The following EIF4E3 variants were observed in gnomAD, a reference collection of about 807,000 sequenced individuals.
EIF4E3 encodes the protein eukaryotic translation initiation factor 4E family member 3.
A neutral mutation model predicts 31.7 loss-of-function variants in EIF4E3; 26 were observed. The observed-to-expected ratio is 0.82, with a 90% CI of 0.60 to 1.14. EIF4E3 has a LOEUF of 1.14. Ranked by LOEUF, EIF4E3 falls within the 50% of genes most tolerant of loss-of-function variation. The pLI is 0.00. For synonymous variants in EIF4E3, 128 were observed against 107.7 expected (o/e 1.19, Z -1.17); for missense variants, 304 against 270.9 (o/e 1.12, Z -0.86).
intron 1 of EIF4E3, among the ~76,000 whole-genome samples, chr3:71,732,307 C>T (rs1210233821): frequency 6.6e-6 from 1 of 152,190 alleles, no homozygotes; most frequent in African/African-American, 2.4e-5. Context: ...ACCAAACACA[C>T]CCCAGATAGG....
At chr3:71,709,564 T>C (rs955276483) in intron 2 of EIF4E3, among the ~76,000 whole-genome samples, 21 of 152,072 alleles carry the variant, frequency 1.4e-4, no homozygotes, top group African/African-American at 4.1e-4. Flanking sequence ...GGAAACTGTT[T>C]GTAGAGATGG....
At chr3:71,724,925 G>T (rs2049607865) in intron 1 of EIF4E3, among the ~76,000 whole-genome samples, 1 of 152,174 alleles carries the variant, frequency 6.6e-6, no homozygotes, top group Non-Finnish European at 1.5e-5. Context: ...AAGGGAACAA[G>T]GGGTAGAAAG....
chr3:71,711,957 C>T (rs1304672515), intron 1 of EIF4E3, among the ~76,000 whole-genome samples: 1 of 152,068 alleles, frequency 6.6e-6, no homozygotes. Flanking sequence ...TACTCCAGCC[C>T]GGGTGACAGA....
chr3:71,690,108 A>T lies in EIF4E3; in HGVS notation c.530T>A (p.Val177Asp). The part of the protein sequence containing the change: ...SVRDREDVVQ[V>D]WNVNASLVGE... ...CACTAAAGAGGCATTTACATTCCAG[A>T]CTTGGACGACGTCTTCTCGGTCCCG... The change falls in exon 6 of 7, where the codon GTC (valine) becomes GAC (aspartate). Residue 177 changes from valine to aspartate, a missense_variant. Physicochemically the swap from Val to Asp is radical, Grantham distance 152. Coordinates refer to ENST00000425534, the MANE Select transcript of EIF4E3 (RefSeq NM_001134651.2). 1 of 1,613,906 alleles carries T rather than the reference A, an allele frequency of 6.2e-7. No individual in the cohort carries two copies. The highest frequency in any genetic ancestry group is 8.5e-7 in the Non-Finnish European group (1 of 1,179,946).
chr3:71,709,068 A>C (rs781310860), intron 2 of EIF4E3, among the ~76,000 whole-genome samples: 2 of 152,136 alleles, frequency 1.3e-5, no homozygotes, highest in African/African-American at 2.4e-5. Flanking sequence ...TTTTTGAACC[A>C]GATACTGGGA....
chr3:71,696,626 A>C, intron 3 of EIF4E3, 106 bp from the exon 4 acceptor site: 1 of 1,306,974 alleles, frequency 7.7e-7, no homozygotes, highest in Non-Finnish European at 1.1e-6. Flanking sequence ...AGATGACCTT[A>C]AAAACAAAAT....
chr3:71,702,384 A>G (rs2049230144), intron 2 of EIF4E3, among the ~76,000 whole-genome samples: 1 of 152,186 alleles, frequency 6.6e-6, no homozygotes, highest in Non-Finnish European at 1.5e-5. Context: ...AGGCATCACA[A>G]ACCAAAGTTC....
chr3:71,670,580 T>G (rs534145640), downstream of EIF4E3, among the ~76,000 whole-genome samples: 2 of 152,332 alleles, frequency 1.3e-5, no homozygotes, highest in Admixed American at 1.3e-4. Context: ...GGTATTGTTT[T>G]TGTTAAAATA....
intron 6 of EIF4E3, among the ~76,000 whole-genome samples, chr3:71,685,406 C>T (rs2048978269): frequency 1.3e-5 from 2 of 152,224 alleles, no homozygotes; most frequent in Admixed American, 1.3e-4. Context: ...GTAGCCCAGG[C>T]TGGAGTGCAG....
intron 6 of EIF4E3, 79 bp downstream of exon 6, chr3:71,689,931 C>T: frequency 7.6e-7 from 1 of 1,312,860 alleles, no homozygotes; most frequent in Non-Finnish European, 9.9e-7. Context: ...CTGCCTTCAC[C>T]ACATTTGCAA....
At chr3:71,729,797 AATGTGTGTGTGTGTGTGTGT>A (rs2049683319), upstream of EIF4E3, among the ~76,000 whole-genome samples, 2 of 52,228 alleles carry the variant, frequency 3.8e-5, no homozygotes, top group South Asian at 2.2e-3. Flanking sequence ...ATTCCAATAG[AATGTGTGTGTGTGTGTGTGT>A]GTGTGTGTGT....
downstream of EIF4E3, among the ~76,000 whole-genome samples, chr3:71,673,748 C>T (rs2048857973): frequency 6.6e-6 from 1 of 151,876 alleles, no homozygotes. Context: ...GGAATGATGT[C>T]ATGTCTTGTT....
In EIF4E3 at chr3:71,710,452, G is replaced by A. The variant is rs751819819; in HGVS notation, c.209C>T (p.Ala70Val). 1.3e-6 allele frequency: 2 copies of A among 1,550,898 alleles called. No individual in the cohort carries two copies. Among genetic ancestry groups the A allele is most frequent in the South Asian group, 2.4e-5 (2 of 83,946 alleles). The change falls in exon 2 of 7, where the codon GCA (alanine) becomes GTA (valine). Residue 70 changes from alanine (A) to valine (V), a missense_variant. Physicochemically the swap from Ala to Val is moderately conservative, Grantham distance 64. Transcript: ENST00000425534. ...TGTGTAGATTTTCTTCAGATTTGAT[G>A]CGCACTCAGCTGCTGTGGCACCAGG... The part of the protein sequence containing the change: ...SLPGATAAEC[A>V]SNLKKIYTVQ...
chr3:71,693,839 C>G, intron 5 of EIF4E3, 36 bp downstream of exon 5: 1 of 1,488,218 alleles, frequency 6.7e-7, no homozygotes. Flanking sequence ...CAGGAGCACA[C>G]GAGGCAGGGC....
intron 1 of EIF4E3, among the ~76,000 whole-genome samples, chr3:71,719,339 C>T (rs938731537): frequency 1.3e-5 from 2 of 152,094 alleles, no homozygotes; most frequent in Non-Finnish European, 2.9e-5. Flanking sequence ...GCATTTGTTA[C>T]AAATCTACCT....
In EIF4E3 at chr3:71,683,688, G is replaced by C. The variant is rs1469365970; in HGVS notation, c.*994C>G. 2 of 152,208 alleles carry C rather than the reference G, an allele frequency of 1.3e-5. No homozygotes were observed. The highest frequency in any genetic ancestry group is 3.8e-4 in the East Asian group (2 of 5,202). 9.4% of individuals were successfully genotyped at this position (152,208 alleles called of 1,614,324 possible). A position where few individuals can be genotyped will look rare whatever the true frequency, so the allele number is the denominator to read the frequency against. On this transcript the variant is annotated 3_prime_UTR_variant, in exon 7 of 7. Coordinates refer to ENST00000425534, the MANE Select transcript of EIF4E3 (RefSeq NM_001134651.2). ...GAAAAAGGGTGGGGACAGCTGCCCA[G>C]GCTGGAGGACTACTGATGATGAGAA...
At chr3:71,727,942 C>T (rs1437057875), upstream of EIF4E3, among the ~76,000 whole-genome samples, 4 of 152,204 alleles carry the variant, frequency 2.6e-5, no homozygotes, top group African/African-American at 7.2e-5. Flanking sequence ...GAACTAGGAA[C>T]AGTCTGGCAG....
intron 2 of EIF4E3, among the ~76,000 whole-genome samples, chr3:71,708,389 T>C (rs13085841): frequency 0.36 from 54,878 of 152,050 alleles, 10,167 homozygotes; most frequent in South Asian, 0.47. Flanking sequence ...ATCTGCGTGA[T>C]GGTTGTATGT....
At chr3:71,663,678 C>G in the EIF4E3 span, among the ~76,000 whole-genome samples, 2 of 152,206 alleles carry the variant, frequency 1.3e-5, no homozygotes, top group Non-Finnish European at 2.9e-5. Flanking sequence ...ACCAAACTCT[C>G]AGGCCCAACC....
Sources: allele counts gnomAD v4.1 joint callset (sites outside exome capture counted in the v4.1 genomes callset), GRCh38; gene constraint gnomAD v4.1.1; transcripts MANE v1.5; gene names NCBI Gene and HGNC (gene_info 2026-07-23, HGNC 2026-07-21).